Variants in CAST observed in about 807,000 individuals in gnomAD.
The protein encoded by CAST is MIR583 host.
Under a neutral mutation model 119.6 loss-of-function variants are expected in CAST, and 76 were observed. The observed-to-expected ratio is 0.64, with a 90% CI of 0.53 to 0.77. CAST has a LOEUF of 0.77. Among genes scored for constraint, CAST ranks in the 30% least tolerant of loss-of-function variants. The probability of loss-of-function intolerance (pLI) is 0.00; values close to 1 mark genes in which losing one functional copy is unlikely to be tolerated. For synonymous variants in CAST, 319 were observed against 331.6 expected (o/e 0.96, Z 0.41); for missense variants, 953 against 946.5 (o/e 1.01, Z -0.09).
the CAST span, among the ~76,000 whole-genome samples, chr5:96,181,493 G>A: frequency 5.3e-3 from 810 of 152,286 alleles, 9 homozygotes; most frequent in African/African-American, 0.019. Context: ...AAACAGGTTA[G>A]CAAAATTTGC....
At chr5:96,576,097 T>A (rs906120578) in intron 1 of CAST, among the ~76,000 whole-genome samples, 1 of 152,208 alleles carries the variant, frequency 6.6e-6, no homozygotes, top group Non-Finnish European at 1.5e-5. Context: ...TTTAAATCAT[T>A]TTTAGATTTG....
At chr5:96,375,889 C>A in the CAST span, among the ~76,000 whole-genome samples, 1 of 133,132 alleles carries the variant, frequency 7.5e-6, no homozygotes, top group Non-Finnish European at 1.6e-5. Flanking sequence ...TAAAATAAAT[C>A]TCTCTCTCTC....
chr5:96,173,855 C>T, the CAST span, among the ~76,000 whole-genome samples: 1 of 152,030 alleles, frequency 6.6e-6, no homozygotes, highest in Admixed American at 6.6e-5. Flanking sequence ...ATTCTCCTGC[C>T]TCAGCCTCCC....
the CAST span, among the ~76,000 whole-genome samples, chr5:96,471,085 A>T: frequency 6.6e-6 from 1 of 152,034 alleles, no homozygotes; most frequent in Non-Finnish European, 1.5e-5. Flanking sequence ...AATTGTGTAG[A>T]TCACAATAGC....
At chr5:96,309,118 G>A in the CAST span, among the ~76,000 whole-genome samples, 1,083 of 152,348 alleles carry the variant, frequency 7.1e-3, 17 homozygotes, top group African/African-American at 0.024. Context: ...ATAAGTCCCT[G>A]ACTGGGGCTG....
chr5:96,642,104 T>A (rs928999182), intron 1 of CAST, among the ~76,000 whole-genome samples: 1 of 152,236 alleles, frequency 6.6e-6, no homozygotes, highest in African/African-American at 2.4e-5. Flanking sequence ...CTGAAACTTC[T>A]ATAAGCTCTC....
the CAST span, among the ~76,000 whole-genome samples, chr5:96,278,111 A>AGAACAAAAT: frequency 6.6e-6 from 1 of 151,458 alleles, no homozygotes; most frequent in African/African-American, 2.4e-5. Context: ...GATTTAGGGG[A>AGAACAAAAT]GAACAAAATT....
the CAST span, among the ~76,000 whole-genome samples, chr5:96,140,238 A>C: frequency 2.6e-5 from 4 of 152,252 alleles, no homozygotes; most frequent in African/African-American, 7.2e-5. Context: ...TGTTGAAAGC[A>C]TATCAAGTAT....
At chr5:96,457,050 T>C in the CAST span, among the ~76,000 whole-genome samples, 1 of 152,252 alleles carries the variant, frequency 6.6e-6, no homozygotes, top group South Asian at 2.1e-4. Flanking sequence ...AATTACCCAG[T>C]CTCGAGTATG....
the CAST span, among the ~76,000 whole-genome samples, chr5:96,033,301 TA>T: frequency 2.0e-5 from 3 of 151,036 alleles, no homozygotes; most frequent in Admixed American, 6.6e-5. Context: ...TTCACAGAAA[TA>T]AAAAAAAATT....
the CAST span, among the ~76,000 whole-genome samples, chr5:96,380,295 T>A: frequency 6.6e-6 from 1 of 152,186 alleles, no homozygotes; most frequent in African/African-American, 2.4e-5. Context: ...AAATTCCAGA[T>A]GCAATTAAAA....
chr5:96,666,573 C>G lies in CAST; in HGVS notation c.75+4076C>G, dbSNP rs532251073. Among the ~76,000 whole-genome samples, 16 of 152,230 alleles carry G rather than the reference C, an allele frequency of 1.1e-4. No homozygotes were observed. The East Asian group carries it at 2.3e-3, about 22-fold the overall frequency. On this transcript the variant is annotated intron_variant, in intron 1 of 31. Coordinates refer to ENST00000675179, the MANE Select transcript of CAST (RefSeq NM_001750.7). ...CACTTGCTCACAGTGAATTTTAGAA[C>G]TAAGGAAGGCAAATAACAGGGCCTG...
chr5:96,493,135 T>G, the CAST span, among the ~76,000 whole-genome samples: 2 of 152,334 alleles, frequency 1.3e-5, no homozygotes, highest in Non-Finnish European at 2.9e-5. Flanking sequence ...AGTCACTGAT[T>G]TATTTTTTTA....
At chr5:96,252,257 C>T in the CAST span, among the ~76,000 whole-genome samples, 1 of 152,234 alleles carries the variant, frequency 6.6e-6, no homozygotes, top group South Asian at 2.1e-4. Flanking sequence ...TGCATTTTTA[C>T]TATTACCTCC....
At chr5:96,168,050 T>C in the CAST span, among the ~76,000 whole-genome samples, 43 of 152,286 alleles carry the variant, frequency 2.8e-4, no homozygotes, top group South Asian at 2.1e-4. Flanking sequence ...TATGAAATGA[T>C]GACAGAATAG....
intron 1 of CAST, among the ~76,000 whole-genome samples, chr5:96,667,018 C>T (rs1386105623): frequency 6.6e-6 from 1 of 151,970 alleles, no homozygotes; most frequent in Non-Finnish European, 1.5e-5. Context: ...TTCATGAAAA[C>T]ATACCCAGAA....
the CAST span, among the ~76,000 whole-genome samples, chr5:96,158,585 G>T: frequency 1.3e-5 from 2 of 152,302 alleles, no homozygotes; most frequent in African/African-American, 4.8e-5. Context: ...TCTGTTCCAG[G>T]CAAGTATCAG....
the CAST span, among the ~76,000 whole-genome samples, chr5:96,082,654 T>C: frequency 6.6e-6 from 1 of 152,250 alleles, no homozygotes; most frequent in Admixed American, 6.5e-5. Flanking sequence ...TTATTAGTTA[T>C]ACATTTTTTT....
At chr5:96,427,661 G>T in the CAST span, among the ~76,000 whole-genome samples, 14 of 152,240 alleles carry the variant, frequency 9.2e-5, no homozygotes, top group Non-Finnish European at 1.8e-4. Context: ...ATTGTCATGA[G>T]ATACTTTGAG....
Sources: allele counts gnomAD v4.1 joint callset (sites outside exome capture counted in the v4.1 genomes callset), GRCh38; gene constraint gnomAD v4.1.1; transcripts MANE v1.5; gene names NCBI Gene and HGNC (gene_info 2026-07-23, HGNC 2026-07-21).